DNAJB2: variants seen among roughly 807,000 people sequenced by gnomAD.
DNAJB2 encodes DnaJ heat shock protein family (Hsp40) member B2.
In DNAJB2, 19 loss-of-function variants were observed where a neutral mutation model predicts 33.3. The observed-to-expected ratio is 0.57, with a 90% confidence interval of 0.40 to 0.84. The LOEUF (loss-of-function observed/expected upper bound fraction) is 0.84. DNAJB2 is among the 40% of genes least tolerant of loss of function. The probability of loss-of-function intolerance (pLI) is 0.00; values close to 1 mark genes in which losing one functional copy is unlikely to be tolerated. For synonymous variants in DNAJB2, 172 were observed against 164.6 expected (o/e 1.04, Z -0.34); for missense variants, 368 against 430.9 (o/e 0.85, Z 1.29).
In DNAJB2 at chr2:219,285,655, ATCT is replaced by A; in HGVS notation, c.*672_*674del. On this transcript the variant is annotated 3_prime_UTR_variant, in exon 9 of 9. Transcript: ENST00000336576. ...ATGCTGGGGCCGGTAGGGCTGTGAG[ATCT>A]TCTGGGGAGGCTAGCCGGGTGGGGC... The A allele has an allele frequency of 8.7e-7, 1 of 1,149,452 alleles. No individual in the cohort carries two copies. The highest frequency in any genetic ancestry group is 1.6e-5 in the African/African-American group (1 of 63,098). 71.2% of individuals were successfully genotyped at this position (1,149,452 alleles called of 1,614,324 possible). A position where few individuals can be genotyped will look rare whatever the true frequency, so the allele number is the denominator to read the frequency against.
In DNAJB2 at chr2:219,279,693, CTCCGCT is replaced by C; in HGVS notation, c.-36-101_-36-96del. The C allele has an allele frequency of 2.4e-6, 2 of 844,406 alleles. No individual in the cohort carries two copies. The highest frequency in any genetic ancestry group is 3.2e-5 in the South Asian group (2 of 61,570). The allele number at this position is 844,406 out of a possible 1,614,324, so 52.3% of individuals were successfully genotyped here. A position where few individuals can be genotyped will look rare whatever the true frequency, so the allele number is the denominator to read the frequency against. ...CCGGCCGCAAGCAGAGCCCGGTGTG[CTCCGCT>C]TCCAACTGGGAGCGCCTTCCGCCAC... On this transcript the variant is annotated intron_variant, in intron 1 of 8. Coordinates refer to ENST00000336576, the MANE Select transcript of DNAJB2 (RefSeq NM_006736.6). This position sits in a 1 kb window ranked among gnomAD's most constrained non-coding sequence, Gnocchi z 4.9.
chr2:219,283,099 C>T, intron 6 of DNAJB2, 34 bp from the exon 7 acceptor site: 1 of 1,611,744 alleles, frequency 6.2e-7, no homozygotes, highest in Non-Finnish European at 8.5e-7. Flanking sequence ...TTCTTCTAAC[C>T]ACCTCTCCTC....
Position 219,285,754 on chromosome 2 carries a change from C to T in DNAJB2, c.*767C>T. 7.7e-7 allele frequency: 1 copy of T among 1,304,730 alleles called. No homozygotes were observed. The highest frequency in any genetic ancestry group is 1.5e-5 in the African/African-American group (1 of 67,744). The allele number at this position is 1,304,730 out of a possible 1,614,324, so 80.8% of individuals were successfully genotyped here. Reference sequence around the variant, plus strand: ...CTCCCTCTCGTTGCCTCAGCCTGCCCTCACCCTCAGGACTAGGCAGAGGTG... The same window carrying T: ...CTCCCTCTCGTTGCCTCAGCCTGCCTTCACCCTCAGGACTAGGCAGAGGTG... On this transcript the variant is annotated 3_prime_UTR_variant, in exon 9 of 9. Coordinates refer to ENST00000336576, the MANE Select transcript of DNAJB2 (RefSeq NM_006736.6).
intron 3 of DNAJB2, 46 bp from the exon 4 acceptor site, chr2:219,281,672 A>T (rs755890925): frequency 3.7e-6 from 6 of 1,610,626 alleles, no homozygotes; most frequent in Admixed American, 1.7e-5. Flanking sequence ...CTGGGAGGGG[A>T]GCCCATCCCA....
intron 3 of DNAJB2, chr2:219,280,918 T>G: frequency 1.9e-6 from 1 of 532,776 alleles, no homozygotes; most frequent in Non-Finnish European, 3.3e-6. Context: ...GTAACTCATG[T>G]GAGCTGAGCC....
chr2:219,279,713 G>A lies in DNAJB2; in HGVS notation c.-36-85G>A. 2 of 1,078,962 alleles carry A rather than the reference G, an allele frequency of 1.9e-6. No individual in the cohort carries two copies. The highest frequency in any genetic ancestry group is 2.7e-6 in the Non-Finnish European group (2 of 744,202). The allele number at this position is 1,078,962 out of a possible 1,614,324, so 66.8% of individuals were successfully genotyped here. On this transcript the variant is annotated intron_variant, in intron 1 of 8. Coordinates refer to ENST00000336576, the MANE Select transcript of DNAJB2 (RefSeq NM_006736.6). This position sits in a 1 kb window ranked among gnomAD's most constrained non-coding sequence, Gnocchi z 4.9. ...GTGTGCTCCGCTTCCAACTGGGAGC[G>A]CCTTCCGCCACCCGGGGAGGGGGAC...
Position 219,281,945 on chromosome 2 carries a change from GC to G in DNAJB2, c.239del (p.Pro80HisfsTer121). ...GREGLTGTGT[G>X]PSRAEAGSGG... ...CCTCATCCTGCCTTTCCAGGAACTG[GC>G]CCATCTCGGGCAGAAGCTGGCAGTG... On this transcript the variant is annotated frameshift_variant, in exon 5 of 9. Transcript: ENST00000336576. LOFTEE classifies it high-confidence loss of function. 6.2e-7 allele frequency: 1 copy of G among 1,614,130 alleles called. No individual in the cohort carries two copies. The highest frequency in any genetic ancestry group is 8.5e-7 in the Non-Finnish European group (1 of 1,180,022).
At position 219,279,468 on chromosome 2, in the gene DNAJB2, CGG is replaced by C. The variant is rs955534136; in HGVS notation, c.-82_-81del. 1 of 206,304 alleles carries C rather than the reference CGG, an allele frequency of 4.8e-6. No individual in the cohort carries two copies. Among genetic ancestry groups the C allele is most frequent in the Non-Finnish European group, 9.8e-6 (1 of 102,204 alleles). The allele number at this position is 206,304 out of a possible 1,614,324, so 12.8% of individuals were successfully genotyped here. A position where few individuals can be genotyped will look rare whatever the true frequency, so the allele number is the denominator to read the frequency against. ...GCTGCGGGTGCCAGACGGTTCCCGG[CGG>C]GGGGCAGGGGCGGGGCGCCGCAGGA... On this transcript the variant is annotated 5_prime_UTR_variant, in exon 1 of 9. An upstream open reading frame in the 5' UTR loses its in-frame stop. Coordinates refer to ENST00000336576, the MANE Select transcript of DNAJB2 (RefSeq NM_006736.6). This position sits in a 1 kb window ranked among gnomAD's most constrained non-coding sequence, Gnocchi z 4.9.
Position 219,281,704 on chromosome 2 carries a change from GTC to G in DNAJB2, c.176-10_176-9del, listed in dbSNP as rs1390113411. 2.5e-6 allele frequency: 4 copies of G among 1,613,826 alleles called. No homozygotes were observed. The highest frequency in any genetic ancestry group is 2.5e-6 in the Non-Finnish European group (3 of 1,180,014). ...CCCAGAGGGAGGGTGAAATGATCTG[GTC>G]TCTTTTTGCAGAGCACAAGCGGGAG... is the stretch of plus-strand genomic sequence containing the variant. On this transcript the variant is annotated splice_polypyrimidine_tract_variant and intron_variant, in intron 3 of 8. Coordinates refer to ENST00000336576, the MANE Select transcript of DNAJB2 (RefSeq NM_006736.6).
At position 219,284,842 on chromosome 2, in the gene DNAJB2, G is replaced by A. The variant is rs778963579; in HGVS notation, c.830G>A (p.Arg277Gln). 6.8e-6 allele frequency: 11 copies of A among 1,611,244 alleles called. No individual in the cohort carries two copies. In the East Asian group the frequency reaches 1.3e-4, roughly 20 times the overall value. ...EAAGKKPAGG[R>Q]EAQHRRQGRP... ...GCTGGGAAGAAACCCGCAGGTGGGC[G>A]GGAGGCACAGCACCGACGGCAGGGG... Residue 277 changes from arginine to glutamine, a missense_variant, in exon 9 of 9, where the codon CGG becomes CAG. Arg to Gln is a conservative substitution (Grantham distance 43). Coordinates refer to ENST00000336576, the MANE Select transcript of DNAJB2 (RefSeq NM_006736.6).
chr2:219,284,905 G>A lies in DNAJB2; in HGVS notation c.893G>A (p.Gly298Glu), dbSNP rs367754863. Residue 298 changes from glycine (G) to glutamate (E), a missense_variant, in exon 9 of 9, where the codon GGG becomes GAG. Gly to Glu is a moderately conservative substitution (Grantham distance 98). Transcript: ENST00000336576. ...KAQHQDPGLG[G>E]TQEGARGEAT... Reference sequence around the variant, plus strand: ...CAGCACCAAGATCCAGGCTTGGGGGGGACCCAGGAGGGTGCGAGGGGTGAA... The same window carrying A: ...CAGCACCAAGATCCAGGCTTGGGGGAGACCCAGGAGGGTGCGAGGGGTGAA... 4.1e-5 allele frequency: 66 copies of A among 1,596,158 alleles called. No homozygotes were observed. The highest frequency in any genetic ancestry group is 5.4e-5 in the African/African-American group (4 of 74,566).
Position 219,285,745 on chromosome 2 carries a change from C to T in DNAJB2, c.*758C>T. On this transcript the variant is annotated 3_prime_UTR_variant, in exon 9 of 9. Coordinates refer to ENST00000336576, the MANE Select transcript of DNAJB2 (RefSeq NM_006736.6). ...CCACTCCTCCTCCCTCTCGTTGCCT[C>T]AGCCTGCCCTCACCCTCAGGACTAG... The T allele has an allele frequency of 7.8e-7, 1 of 1,285,314 alleles. No individual in the cohort carries two copies. Among genetic ancestry groups the T allele is most frequent in the Non-Finnish European group, 9.9e-7 (1 of 1,012,134 alleles). 79.6% of individuals were successfully genotyped at this position (1,285,314 alleles called of 1,614,324 possible).
intron 8 of DNAJB2, 75 bp from the exon 9 acceptor site, chr2:219,284,557 G>T: frequency 6.6e-7 from 1 of 1,510,972 alleles, no homozygotes; most frequent in Non-Finnish European, 8.9e-7. Flanking sequence ...GGTCAGGGTT[G>T]TTACTGTGTG....
rs1377965030 is a variant in DNAJB2, at chr2:219,285,518, C to T, written c.*531C>T. On this transcript the variant is annotated 3_prime_UTR_variant, in exon 9 of 9. Coordinates refer to ENST00000336576, the MANE Select transcript of DNAJB2 (RefSeq NM_006736.6). ...TCTCTTCTGGTGTTGCTTCTCCTCC[C>T]TCCCATTCTCTCTGCAACTCCCTGC... The T allele has an allele frequency of 6.9e-6, 7 of 1,013,062 alleles. No homozygotes were observed. The East Asian group carries it at 5.9e-4, about 86-fold the overall frequency. The allele number at this position is 1,013,062 out of a possible 1,614,324, so 62.8% of individuals were successfully genotyped here.
chr2:219,282,785 T>C, intron 5 of DNAJB2, 52 bp from the exon 6 acceptor site: 3 of 1,498,358 alleles, frequency 2.0e-6, no homozygotes, highest in Non-Finnish European at 2.7e-6. Context: ...TCACACACTT[T>C]TGAGGGGAAA....
chr2:219,279,682 A>G lies in DNAJB2; in HGVS notation c.-36-116A>G, dbSNP rs1951886297. On this transcript the variant is annotated intron_variant, in intron 1 of 8. Coordinates refer to ENST00000336576, the MANE Select transcript of DNAJB2 (RefSeq NM_006736.6). The surrounding 1 kb of genome is among the most constrained non-coding windows in gnomAD (Gnocchi z 4.9). ...GAGCCTAGTCACCGGCCGCAAGCAG[A>G]GCCCGGTGTGCTCCGCTTCCAACTG... 4 of 750,176 alleles carry G rather than the reference A, an allele frequency of 5.3e-6. No homozygotes were observed. Among genetic ancestry groups the G allele is most frequent in the Admixed American group, 2.7e-5 (1 of 36,922 alleles). The allele number at this position is 750,176 out of a possible 1,614,324, so 46.5% of individuals were successfully genotyped here.
intron 4 of DNAJB2, 28 bp from the exon 5 acceptor site, chr2:219,281,911 A>T (rs1287687290): frequency 6.2e-7 from 1 of 1,613,206 alleles, no homozygotes. Flanking sequence ...TGCATGCCCT[A>T]AGCTCTCTCC....
At chr2:219,280,077 C>T (rs1196138842) in intron 2 of DNAJB2, 179 bp downstream of exon 2, 4 of 641,202 alleles carry the variant, frequency 6.2e-6, no homozygotes, top group East Asian at 2.8e-5. Context: ...ACAAGGAGAA[C>T]GTCCAGAGAG....
chr2:219,285,043 T>C lies in DNAJB2; in HGVS notation c.*56T>C. 2 of 1,441,212 alleles carry C rather than the reference T, an allele frequency of 1.4e-6. No homozygotes were observed. The highest frequency in any genetic ancestry group is 1.8e-6 in the Non-Finnish European group (2 of 1,091,308). The allele number at this position is 1,441,212 out of a possible 1,614,324, so 89.3% of individuals were successfully genotyped here. The stretch of plus-strand genomic sequence containing the variant: ...CTTGACTGGGGGGTCTGACTCACTG[T>C]GGGAAGAGAAGAGGGGAGTATCCTG... On this transcript the variant is annotated 3_prime_UTR_variant, in exon 9 of 9. Coordinates refer to ENST00000336576, the MANE Select transcript of DNAJB2 (RefSeq NM_006736.6).
Sources: allele counts gnomAD v4.1 joint callset, GRCh38; gene constraint gnomAD v4.1.1; non-coding constraint Gnocchi (gnomAD v3.1); transcripts MANE v1.5; gene names NCBI Gene and HGNC (gene_info 2026-07-23, HGNC 2026-07-21).